The following ONECUT3 variants were observed in gnomAD, a reference collection of about 807,000 sequenced individuals.
ONECUT3 encodes one cut domain family member 3.
In ONECUT3, 11 loss-of-function variants were observed where a neutral mutation model predicts 16.8. The ratio of observed to expected loss-of-function variants is 0.66; its 90% CI spans 0.41 to 1.09. The LOEUF is 1.09. Among genes scored for constraint, ONECUT3 ranks in the 50% least tolerant of loss-of-function variants. The pLI, the probability that ONECUT3 is intolerant of heterozygous loss-of-function variation, is 0.00. For synonymous variants in ONECUT3, 344 were observed against 310.7 expected (o/e 1.11, Z -1.13); for missense variants, 637 against 629.9 (o/e 1.01, Z -0.12).
chr19:1,774,862 GC>G (rs2068090356), intron 1 of ONECUT3, among the ~76,000 whole-genome samples: 2 of 129,888 alleles, frequency 1.5e-5, no homozygotes, highest in African/African-American at 6.0e-5. Flanking sequence ...TGTCTCCACC[GC>G]CCTCTGGCTG....
chr19:1,758,459 G>A lies in ONECUT3; in HGVS notation c.1192+3605G>A, dbSNP rs2067929569. 2.6e-5 allele frequency among the ~76,000 whole-genome samples: 4 copies of A among 151,696 alleles called. No individual in the cohort carries two copies. Among genetic ancestry groups the A allele is most frequent in the Non-Finnish European group, 4.4e-5 (3 of 67,934 alleles). ...GGAGAGGGGAATAGGTGTTTTCCTT[G>A]TTTCACCAAAGCACGCAAGAAATCC... is the stretch of plus-strand genomic sequence containing the variant. On this transcript the variant is annotated intron_variant, in intron 1 of 1. Coordinates refer to ENST00000382349, the MANE Select transcript of ONECUT3 (RefSeq NM_001080488.2). This position sits in a 1 kb window ranked among gnomAD's most constrained non-coding sequence, Gnocchi z 5.9.
intron 1 of ONECUT3, among the ~76,000 whole-genome samples, chr19:1,763,358 C>T (rs1184966223): frequency 3.1e-5 from 1 of 32,784 alleles, no homozygotes; most frequent in Non-Finnish European, 8.1e-5. Flanking sequence ...CAGAGTGAGA[C>T]TCCATCTCAA....
rs1274925141 is a variant in ONECUT3 at position 1,766,730 on chromosome 19, G to C, written c.1193-8423G>C. The stretch of plus-strand genomic sequence containing the variant: ...TGGCTTCCTGCTGAGGGCACTCGGG[G>C]AGCCCCACTGTCCCACCCGGCGCTC... On this transcript the variant is annotated intron_variant, in intron 1 of 1. Transcript: ENST00000382349. This position sits in a 1 kb window ranked among gnomAD's most constrained non-coding sequence, Gnocchi z 4.0. Among the ~76,000 whole-genome samples the C allele has an allele frequency of 2.0e-5, 3 of 151,988 alleles. No individual in the cohort carries two copies. The South Asian group carries it at 6.2e-4, about 32-fold the overall frequency.
chr19:1,775,642 C>T lies in ONECUT3; in HGVS notation c.*197C>T. On this transcript the variant is annotated 3_prime_UTR_variant, in exon 2 of 2. Transcript: ENST00000382349. ...TGCACAAAAAGGGCCCCCCTTCCTC[C>T]CTCCATGCCCACTCCCTCCAGGCCA... 1 of 502,476 alleles carries T rather than the reference C, an allele frequency of 2.0e-6. No homozygotes were observed. The highest frequency in any genetic ancestry group is 2.8e-5 in the South Asian group (1 of 36,060). The allele number at this position is 502,476 out of a possible 1,614,324, so 31.1% of individuals were successfully genotyped here. A position where few individuals can be genotyped will look rare whatever the true frequency, so the allele number is the denominator to read the frequency against.
intron 1 of ONECUT3, among the ~76,000 whole-genome samples, chr19:1,760,870 G>A (rs1045538491): frequency 9.9e-5 from 15 of 152,078 alleles, no homozygotes; most frequent in African/African-American, 3.4e-4. Context: ...CTGGCCTTTG[G>A]CTCTGAAGTC....
Position 1,778,524 on chromosome 19 carries a change from TG to T in ONECUT3, c.*3081del, listed in dbSNP as rs35252175. Reference sequence around the variant, plus strand: ...TCAGGCACTGGCCGGAGCACGGGCCTGGCGGGGTGCTGGGTCTCCTAGATGC... The same window carrying T: ...TCAGGCACTGGCCGGAGCACGGGCCTGCGGGGTGCTGGGTCTCCTAGATGC... On this transcript the variant is annotated 3_prime_UTR_variant, in exon 2 of 2. Coordinates refer to ENST00000382349, the MANE Select transcript of ONECUT3 (RefSeq NM_001080488.2). 25,880 of 152,058 alleles carry T rather than the reference TG, an allele frequency of 0.17. 2,268 individuals carry two copies. Among genetic ancestry groups the T allele is most frequent in the East Asian group, 0.22 (1,111 of 5,162 alleles). The allele number at this position is 152,058 out of a possible 1,614,324, so 9.4% of individuals were successfully genotyped here.
In ONECUT3 at chr19:1,755,981, C is replaced by CGCG. The variant is rs541122000; in HGVS notation, c.1192+1133_1192+1135dup. On this transcript the variant is annotated intron_variant, in intron 1 of 1. Transcript: ENST00000382349. The surrounding 1 kb of genome is among the most constrained non-coding windows in gnomAD (Gnocchi z 7.5). Reference sequence around the variant, plus strand: ...CCACCCGGGCCACAGGGACAATAGCCGCGGCGGCTGGCGCCTGATCGATCG... The same window carrying CGCG: ...CCACCCGGGCCACAGGGACAATAGCCGCGGCGGCGGCTGGCGCCTGATCGATCG... 6.6e-6 allele frequency among the ~76,000 whole-genome samples: 1 copy of CGCG among 152,312 alleles called. No individual in the cohort carries two copies. The highest frequency in any genetic ancestry group is 2.4e-5 in the African/African-American group (1 of 41,558).
Position 1,775,669 on chromosome 19 carries a change from A to G in ONECUT3, c.*224A>G. The G allele has an allele frequency of 2.5e-6, 1 of 407,390 alleles. No homozygotes were observed. The highest frequency in any genetic ancestry group is 4.5e-5 in the East Asian group (1 of 22,290). 25.2% of individuals were successfully genotyped at this position (407,390 alleles called of 1,614,324 possible). ...TCCATGCCCACTCCCTCCAGGCCAA[A>G]GGAAGCCCTCCACCCCCCCCCGGAG... On this transcript the variant is annotated 3_prime_UTR_variant, in exon 2 of 2. Coordinates refer to ENST00000382349, the MANE Select transcript of ONECUT3 (RefSeq NM_001080488.2).
chr19:1,765,519 C>A (rs911985837), intron 1 of ONECUT3, among the ~76,000 whole-genome samples: 1 of 152,206 alleles, frequency 6.6e-6, no homozygotes. Context: ...AACAGAGTCC[C>A]AGGCAGCCGC....
rs965616194 is a variant in ONECUT3 at position 1,762,464 on chromosome 19, G to A, written c.1192+7610G>A. On this transcript the variant is annotated intron_variant, in intron 1 of 1. Coordinates refer to ENST00000382349, the MANE Select transcript of ONECUT3 (RefSeq NM_001080488.2). This position sits in a 1 kb window ranked among gnomAD's most constrained non-coding sequence, Gnocchi z 4.4. ...CCAAGGACCTGCTGGGGGGATGACT[G>A]TGCCTCAGTTTCCATCACCCAGCAA... is the stretch of plus-strand genomic sequence containing the variant. 2.6e-5 allele frequency among the ~76,000 whole-genome samples: 4 copies of A among 152,384 alleles called. No homozygotes were observed. Among genetic ancestry groups the A allele is most frequent in the Admixed American group, 6.5e-5 (1 of 15,314 alleles).
At chr19:1,769,723 C>T (rs2068036350) in intron 1 of ONECUT3, among the ~76,000 whole-genome samples, 2 of 152,110 alleles carry the variant, frequency 1.3e-5, no homozygotes, top group African/African-American at 4.8e-5. Flanking sequence ...GGGATGGGAG[C>T]AATGACAAAG....
Position 1,754,747 on chromosome 19 carries a change from AC to A in ONECUT3, c.1089del (p.Lys364SerfsTer66). 1 of 1,565,412 alleles carries A rather than the reference AC, an allele frequency of 6.4e-7. No individual in the cohort carries two copies. Among genetic ancestry groups the A allele is most frequent in the Non-Finnish European group, 8.6e-7 (1 of 1,158,498 alleles). On this transcript the variant is annotated frameshift_variant, in exon 1 of 2. Transcript: ENST00000382349. LOFTEE classifies it high-confidence loss of function. The surrounding 1 kb of genome is among the most constrained non-coding windows in gnomAD (Gnocchi z 7.4). ...SQGTLSDLLR[N>X]PKPWSKLKSG... ...GGCACGCTCTCCGACCTGCTGCGCA[AC>A]CCCAAGCCGTGGAGCAAGCTCAAAT...
At chr19:1,771,848 T>A (rs544658875) in intron 1 of ONECUT3, among the ~76,000 whole-genome samples, 1 of 152,134 alleles carries the variant, frequency 6.6e-6, no homozygotes, top group Non-Finnish European at 1.5e-5. Context: ...CCTGGCTAAT[T>A]TTAAATTTTT....
intron 1 of ONECUT3, among the ~76,000 whole-genome samples, chr19:1,757,507 G>A (rs950353090): frequency 6.6e-6 from 1 of 152,208 alleles, no homozygotes. Flanking sequence ...CGTTGAGGAT[G>A]ATAAACCCGG....
chr19:1,761,809 G>A (rs2067947825), intron 1 of ONECUT3, among the ~76,000 whole-genome samples: 1 of 152,318 alleles, frequency 6.6e-6, no homozygotes, highest in Non-Finnish European at 1.5e-5. Context: ...TGCCAAGTAG[G>A]TGCTAATGTG....
In ONECUT3 at chr19:1,755,116, T is replaced by A. The variant is rs1272161687; in HGVS notation, c.1192+262T>A. Reference sequence around the variant, plus strand: ...GCCCCTTTCGGGAGCGCGTAGGGGTTCTCTAGTCCTTGTTAGACTGCTGGG... The same window carrying A: ...GCCCCTTTCGGGAGCGCGTAGGGGTACTCTAGTCCTTGTTAGACTGCTGGG... On this transcript the variant is annotated intron_variant, in intron 1 of 1. Coordinates refer to ENST00000382349, the MANE Select transcript of ONECUT3 (RefSeq NM_001080488.2). This position sits in a 1 kb window ranked among gnomAD's most constrained non-coding sequence, Gnocchi z 7.5. Among the ~76,000 whole-genome samples the A allele has an allele frequency of 6.6e-6, 1 of 152,104 alleles. No homozygotes were observed. Among genetic ancestry groups the A allele is most frequent in the Non-Finnish European group, 1.5e-5 (1 of 68,014 alleles).
At chr19:1,771,789 C>A (rs11878575) in intron 1 of ONECUT3, among the ~76,000 whole-genome samples, 58,730 of 151,602 alleles carry the variant, frequency 0.39, 11,816 homozygotes, top group Middle Eastern at 0.48. Context: ...AAATGATCCT[C>A]CTACCTCAGC....
intron 1 of ONECUT3, among the ~76,000 whole-genome samples, chr19:1,772,310 G>A (rs1454490278): frequency 6.6e-6 from 1 of 151,982 alleles, no homozygotes; most frequent in South Asian, 2.1e-4. Context: ...ACCATGCCCA[G>A]TGGGCCTATT....
In ONECUT3 at chr19:1,754,007, G is replaced by A; in HGVS notation, c.345G>A (p.Pro115=). The A allele has an allele frequency of 1.0e-6, 1 of 993,336 alleles. No individual in the cohort carries two copies. The highest frequency in any genetic ancestry group is 1.2e-6 in the Non-Finnish European group (1 of 836,566). The allele number at this position is 993,336 out of a possible 1,614,324, so 61.5% of individuals were successfully genotyped here. A position where few individuals can be genotyped will look rare whatever the true frequency, so the allele number is the denominator to read the frequency against. The change falls in exon 1 of 2, where the codon CCG becomes CCA. Residue 115 remains proline (P), a synonymous_variant. Transcript: ENST00000382349. This position sits in a 1 kb window ranked among gnomAD's most constrained non-coding sequence, Gnocchi z 7.4. ...YTTLTPLQHL[P]PLAAVADKFH... Reference sequence around the variant, plus strand: ...CGCTCACGCCCCTGCAGCACCTGCCGCCGCTCGCGGCCGTGGCCGACAAGT... The same window carrying A: ...CGCTCACGCCCCTGCAGCACCTGCCACCGCTCGCGGCCGTGGCCGACAAGT...
Sources: gnomAD v4.1 joint callset for allele counts (sites outside exome capture counted in the v4.1 genomes callset) on GRCh38, gnomAD v4.1.1 for gene constraint, Gnocchi (gnomAD v3.1) non-coding constraint, MANE v1.5 for transcripts, NCBI Gene and HGNC (gene_info 2026-07-23, HGNC 2026-07-21) for gene names.